Variants in ENAH observed in about 807,000 individuals in gnomAD.
ENAH encodes ENAH actin regulator.
Under a neutral mutation model 78.7 loss-of-function variants are expected in ENAH, and 23 were observed. That is an observed-to-expected ratio of 0.29 (90% confidence interval 0.21 to 0.41). ENAH has a LOEUF of 0.41. ENAH is among the 10% of genes least tolerant of loss of function. The pLI, the probability that ENAH is intolerant of heterozygous loss-of-function variation, is 1.00. For synonymous variants in ENAH, 226 were observed against 241.0 expected (o/e 0.94, Z 0.58); for missense variants, 544 against 691.0 (o/e 0.79, Z 2.39).
intron 1 of ENAH, among the ~76,000 whole-genome samples, chr1:225,642,224 AAAG>A (rs1175074474): frequency 2.2e-4 from 33 of 151,538 alleles, no homozygotes; most frequent in Non-Finnish European, 3.2e-4. Flanking sequence ...AAAAAAAAAA[AAAG>A]AAGATACATA....
rs140274885 is a variant in ENAH, at chr1:225,622,647, C to T, written c.5+30039G>A. 1.7e-3 allele frequency among the ~76,000 whole-genome samples: 257 copies of T among 152,174 alleles called. 1 individual carries two copies. The highest frequency in any genetic ancestry group is 5.8e-3 in the African/African-American group (240 of 41,524). ...TCATGGATGGCACCTTCTATTTGTC[C>T]TCATATGGCAGAAGGGCAAAAGGAG... On this transcript the variant is annotated intron_variant, in intron 1 of 13. Transcript: ENST00000366843.
At chr1:225,598,468 G>A (rs1025520918) in intron 1 of ENAH, among the ~76,000 whole-genome samples, 1 of 151,830 alleles carries the variant, frequency 6.6e-6, no homozygotes, top group African/African-American at 2.4e-5. Context: ...TGGGTGAGGG[G>A]AGACCTCACC....
chr1:225,557,645 A>AC (rs1429755896), intron 2 of ENAH, among the ~76,000 whole-genome samples: 1 of 152,104 alleles, frequency 6.6e-6, no homozygotes, highest in Non-Finnish European at 1.5e-5. Context: ...ACATGGTGAA[A>AC]CCCCGTCTCT....
chr1:225,583,140 T>C (rs2096827588), intron 1 of ENAH, among the ~76,000 whole-genome samples: 2 of 152,204 alleles, frequency 1.3e-5, no homozygotes, highest in Non-Finnish European at 1.5e-5. Context: ...AATAAAGATA[T>C]TTTAAGAAAA....
At chr1:225,498,430 A>C (rs1438736649) in intron 12 of ENAH, 26 bp from the exon 13 acceptor site, 3 of 1,416,090 alleles carry the variant, frequency 2.1e-6, no homozygotes, top group Non-Finnish European at 3.0e-6. Context: ...AAAATACCAG[A>C]AATACAGAAC....
intron 1 of ENAH, among the ~76,000 whole-genome samples, chr1:225,579,297 G>C (rs1037503159): frequency 2.6e-5 from 4 of 152,132 alleles, no homozygotes; most frequent in African/African-American, 9.7e-5. Context: ...TATACTTCAT[G>C]TTATATTTAA....
At position 225,590,082 on chromosome 1, in the gene ENAH, A is replaced by AACACACACACACAC. The variant is rs3050220; in HGVS notation, c.6-22682_6-22669dup. On this transcript the variant is annotated intron_variant, in intron 1 of 13. Transcript: ENST00000366843. ...GACTAATTGCCTCCCCTCATCACTC[A>AACACACACACACAC]ACACACACACACACACACACACACA... Among the ~76,000 whole-genome samples the AACACACACACACAC allele has an allele frequency of 1.3e-3, 170 of 131,486 alleles. 1 individual carries two copies. Among genetic ancestry groups the AACACACACACACAC allele is most frequent in the Middle Eastern group, 3.8e-3 (1 of 264 alleles). The allele number at this position is 131,486 out of a possible 152,430, so 86.3% of individuals were successfully genotyped here. A position where few individuals can be genotyped will look rare whatever the true frequency, so the allele number is the denominator to read the frequency against.
At chr1:225,622,735 G>GT (rs142970415) in intron 1 of ENAH, among the ~76,000 whole-genome samples, 6,608 of 152,202 alleles carry the variant, frequency 0.043, 227 homozygotes, top group South Asian at 0.1. Flanking sequence ...CACCTTGGGG[G>GT]TAGGTTTCAA....
chr1:225,651,520 A>G (rs1474582244), intron 1 of ENAH, among the ~76,000 whole-genome samples: 1 of 152,234 alleles, frequency 6.6e-6, no homozygotes, highest in East Asian at 1.9e-4. Flanking sequence ...ATCTCATTGT[A>G]TTACATTATA....
chr1:225,514,757 GAGGA>G lies in ENAH; in HGVS notation c.1053_1056del (p.Pro353LeufsTer36). The stretch of plus-strand genomic sequence containing the variant: ...GGTACTTGATTAGGGAGAGGAGGGG[GAGGA>G]GGGGGCGGTGGAGGCCCGGTGGATG... On this transcript the variant is annotated frameshift_variant, in exon 7 of 14. Coordinates refer to ENST00000366843, the MANE Select transcript of ENAH (RefSeq NM_018212.6). LOFTEE classifies it high-confidence loss of function. The G allele has an allele frequency of 8.6e-7, 1 of 1,168,568 alleles. No homozygotes were observed. The highest frequency in any genetic ancestry group is 1.3e-5 in the South Asian group (1 of 75,608). The allele number at this position is 1,168,568 out of a possible 1,614,324, so 72.4% of individuals were successfully genotyped here.
chr1:225,571,695 G>A lies in ENAH; in HGVS notation c.6-4281C>T, dbSNP rs376879593. ...CCGCCAACAACTGGGGAAGGGAGAC[G>A]GACTAGAGATCGAGTTCAATCACAA... On this transcript the variant is annotated intron_variant, in intron 1 of 13. Coordinates refer to ENST00000366843, the MANE Select transcript of ENAH (RefSeq NM_018212.6). Among the ~76,000 whole-genome samples the A allele has an allele frequency of 2.0e-5, 3 of 152,284 alleles. No homozygotes were observed. In the East Asian group the frequency reaches 5.8e-4, roughly 29 times the overall value.
intron 1 of ENAH, among the ~76,000 whole-genome samples, chr1:225,606,576 AGC>A (rs2096956680): frequency 6.6e-6 from 1 of 152,118 alleles, no homozygotes; most frequent in Non-Finnish European, 1.5e-5. Flanking sequence ...GGCCAGATGC[AGC>A]GGTTCACGCC....
At chr1:225,551,449 A>G (rs978549865) in intron 3 of ENAH, among the ~76,000 whole-genome samples, 1 of 152,188 alleles carries the variant, frequency 6.6e-6, no homozygotes, top group Admixed American at 6.5e-5. Context: ...GGGACACGGA[A>G]GAAGAGGAAA....
intron 11 of ENAH, chr1:225,505,154 A>G (rs2096316107): frequency 8.9e-6 from 7 of 789,494 alleles, no homozygotes; most frequent in Non-Finnish European, 1.4e-5. Flanking sequence ...AAACAAAACA[A>G]GAATTGAGTC....
At chr1:225,574,606 A>C (rs2096778756) in intron 1 of ENAH, among the ~76,000 whole-genome samples, 1 of 24,208 alleles carries the variant, frequency 4.1e-5, no homozygotes, top group African/African-American at 3.0e-4. Flanking sequence ...TGTCTCCAAA[A>C]TATATAAAAA....
chr1:225,645,937 T>C lies in ENAH; in HGVS notation c.5+6749A>G, dbSNP rs142835508. Among the ~76,000 whole-genome samples, 568 of 152,296 alleles carry C rather than the reference T, an allele frequency of 3.7e-3. 3 individuals are homozygous for C. Among genetic ancestry groups the C allele is most frequent in the African/African-American group, 0.013 (531 of 41,564 alleles). The stretch of plus-strand genomic sequence containing the variant: ...TACATACATTGCCTCATACCCAAAG[T>C]AGTCTTTGGAAAAGTTGCCTGTTAA... On this transcript the variant is annotated intron_variant, in intron 1 of 13. Transcript: ENST00000366843.
At chr1:225,592,891 C>T (rs2096883636) in intron 1 of ENAH, among the ~76,000 whole-genome samples, 1 of 152,150 alleles carries the variant, frequency 6.6e-6, no homozygotes, top group Admixed American at 6.5e-5. Flanking sequence ...AAAATTCTGT[C>T]CTGAAAAACA....
intron 1 of ENAH, among the ~76,000 whole-genome samples, chr1:225,608,907 G>C (rs1008629723): frequency 6.7e-6 from 1 of 150,042 alleles, no homozygotes; most frequent in Non-Finnish European, 1.5e-5. Context: ...CAAGTCACTT[G>C]AGTAATGCCT....
At chr1:225,589,762 A>G (rs941380193) in intron 1 of ENAH, among the ~76,000 whole-genome samples, 1 of 152,178 alleles carries the variant, frequency 6.6e-6, no homozygotes. Context: ...TAAAATGTTA[A>G]TATTAATAGT....
Sources: gnomAD v4.1 joint callset for allele counts (sites outside exome capture counted in the v4.1 genomes callset) on GRCh38, gnomAD v4.1.1 for gene constraint, MANE v1.5 for transcripts, NCBI Gene and HGNC (gene_info 2026-07-23, HGNC 2026-07-21) for gene names.